HNF4A: variants seen among roughly 807,000 people sequenced by gnomAD.
HNF4A encodes hepatocyte nuclear factor 4-alpha.
Under a neutral mutation model 52.4 loss-of-function variants are expected in HNF4A, and 15 were observed. The ratio of observed to expected loss-of-function variants is 0.29; its 90% CI spans 0.19 to 0.44. The LOEUF is 0.44. Among genes scored for constraint, HNF4A ranks in the 20% least tolerant of loss-of-function variants. The pLI is 1.00. For missense variants in HNF4A, 479 were observed against 647.2 expected (o/e 0.74, Z 2.82); for synonymous variants, 280 against 264.4 (o/e 1.06, Z -0.57).
At chr20:44,367,674 A>G (rs922483696) in intron 1 of HNF4A, among the ~76,000 whole-genome samples, 2 of 151,580 alleles carry the variant, frequency 1.3e-5, no homozygotes, top group African/African-American at 4.9e-5. Context: ...TTGGCCAGAC[A>G]TGGTGGCGCA....
chr20:44,390,626 G>C (rs1417525469), intron 1 of HNF4A: 1 of 702,546 alleles, frequency 1.4e-6, no homozygotes, highest in Non-Finnish European at 2.6e-6. Context: ...GGACCCCATA[G>C]CAGCAGGAGG....
intron 1 of HNF4A, chr20:44,402,564 C>T (rs768327289): frequency 1.6e-5 from 22 of 1,365,150 alleles, no homozygotes; most frequent in East Asian, 9.1e-5. Context: ...ATTTTGTTGC[C>T]GCTGCGTCTC....
intron 6 of HNF4A, 96 bp downstream of exon 6, chr20:44,418,608 G>T (rs1471936197): frequency 1.0e-6 from 1 of 954,002 alleles, no homozygotes; most frequent in Non-Finnish European, 1.7e-6. Context: ...GCATGCAAGG[G>T]TGAGGGAGAC....
intron 9 of HNF4A, among the ~76,000 whole-genome samples, chr20:44,428,717 A>G (rs1215625456): frequency 6.6e-6 from 1 of 152,220 alleles, no homozygotes; most frequent in African/African-American, 2.4e-5. Flanking sequence ...CCACTGGATG[A>G]GGTAACCCAT....
At chr20:44,424,641 A>G in intron 8 of HNF4A, 1 of 1,373,302 alleles carries the variant, frequency 7.3e-7, no homozygotes, top group African/African-American at 1.5e-5. Context: ...GTAATATGAT[A>G]GAGTTTAACT....
In HNF4A at chr20:44,429,873, T is replaced by C. The variant is rs2063858027; in HGVS notation, c.*208T>C. ...CTGCTCTGGATAACAAGACTTTGACTTGGGGAGACCTCTACTGCCTTGGAC... is the reference window on the plus strand; with the variant it reads ...CTGCTCTGGATAACAAGACTTTGACCTGGGGAGACCTCTACTGCCTTGGAC... On this transcript the variant is annotated 3_prime_UTR_variant, in exon 10 of 10. Transcript: ENST00000316099. The C allele has an allele frequency of 6.7e-6, 4 of 599,456 alleles. No homozygotes were observed. The highest frequency in any genetic ancestry group is 2.8e-5 in the East Asian group (1 of 35,914). 37.1% of individuals were successfully genotyped at this position (599,456 alleles called of 1,614,324 possible).
In HNF4A at chr20:44,429,912, T is replaced by G. The variant is rs2063858579; in HGVS notation, c.*247T>G. The stretch of plus-strand genomic sequence containing the variant: ...ACTGCCTTGGACAACTTTTCTCATG[T>G]TGAAGCCACTGCCTTCACCTTCACC... On this transcript the variant is annotated 3_prime_UTR_variant, in exon 10 of 10. Coordinates refer to ENST00000316099, the MANE Select transcript of HNF4A (RefSeq NM_000457.6). 7.4e-6 allele frequency: 4 copies of G among 539,972 alleles called. No homozygotes were observed. Among genetic ancestry groups the G allele is most frequent in the South Asian group, 4.8e-5 (2 of 41,930 alleles). The allele number at this position is 539,972 out of a possible 1,614,324, so 33.4% of individuals were successfully genotyped here. A position where few individuals can be genotyped will look rare whatever the true frequency, so the allele number is the denominator to read the frequency against.
At chr20:44,406,304 C>A in intron 2 of HNF4A, 72 bp downstream of exon 2, 3 of 1,402,310 alleles carry the variant, frequency 2.1e-6, no homozygotes, top group South Asian at 2.4e-5. Context: ...CTGTCTTCTC[C>A]CTGAGTGGGT....
chr20:44,382,852 T>G (rs1231873313), intron 1 of HNF4A, among the ~76,000 whole-genome samples: 1 of 152,138 alleles, frequency 6.6e-6, no homozygotes, highest in East Asian at 1.9e-4. Context: ...CAGAGGATTT[T>G]TTACTTATCT....
At chr20:44,383,242 G>A (rs776698178) in intron 1 of HNF4A, among the ~76,000 whole-genome samples, 24 of 152,260 alleles carry the variant, frequency 1.6e-4, no homozygotes, top group South Asian at 8.3e-4. Context: ...TGCCTCCATA[G>A]CACTCACTAA....
chr20:44,425,915 C>T lies in HNF4A; in HGVS notation c.1129+1661C>T, dbSNP rs139582222. Among the ~76,000 whole-genome samples the T allele has an allele frequency of 3.7e-3, 564 of 152,240 alleles. 5 individuals carry two copies. The highest frequency in any genetic ancestry group is 0.013 in the African/African-American group (546 of 41,546). ...CCTTAAGCAATCCTTCCGACTTGGC[C>T]TCTCAAAGTGCTGGGATTACAGGTG... On this transcript the variant is annotated intron_variant, in intron 8 of 9. Coordinates refer to ENST00000316099, the MANE Select transcript of HNF4A (RefSeq NM_000457.6).
At chr20:44,379,003 C>T (rs1323107898) in intron 1 of HNF4A, among the ~76,000 whole-genome samples, 3 of 151,836 alleles carry the variant, frequency 2.0e-5, no homozygotes, top group Non-Finnish European at 2.9e-5. Context: ...TACTTTCTGT[C>T]TCTGTGAATT....
chr20:44,406,149 C>G lies in HNF4A; in HGVS notation c.207C>G (p.Gly69=), dbSNP rs1710761188. 3 of 1,613,852 alleles carry G rather than the reference C, an allele frequency of 1.9e-6. No individual in the cohort carries two copies. The highest frequency in any genetic ancestry group is 2.5e-6 in the Non-Finnish European group (3 of 1,180,044). ...CCATCTGCGGGGACCGGGCCACGGG[C>G]AAACACTACGGTGCCTCGAGCTGTG... The change falls in exon 2 of 10, where the codon GGC becomes GGG. Residue 69 remains glycine, a synonymous_variant. Transcript: ENST00000316099.
chr20:44,368,135 T>TATATAA, intron 1 of HNF4A, among the ~76,000 whole-genome samples: 1 of 42,354 alleles, frequency 2.4e-5, no homozygotes, highest in South Asian at 8.3e-4. Flanking sequence ...TGTGTGTGTG[T>TATATAA]ATATACATAT....
chr20:44,365,916 A>G (rs943148953), intron 1 of HNF4A, among the ~76,000 whole-genome samples: 1 of 152,092 alleles, frequency 6.6e-6, no homozygotes, highest in East Asian at 1.9e-4. Context: ...CTGAGGCAAG[A>G]GGATTGCTTG....
chr20:44,392,321 T>A (rs1158460542), intron 1 of HNF4A, among the ~76,000 whole-genome samples: 1 of 152,138 alleles, frequency 6.6e-6, no homozygotes, highest in Non-Finnish European at 1.5e-5. Flanking sequence ...AGGTTTTGAC[T>A]AGTAAGTTGT....
At chr20:44,374,826 A>G (rs1645902969) in intron 1 of HNF4A, among the ~76,000 whole-genome samples, 1 of 152,202 alleles carries the variant, frequency 6.6e-6, no homozygotes, top group African/African-American at 2.4e-5. Flanking sequence ...TTTTTGGTAG[A>G]AGAATTCATT....
intron 1 of HNF4A, among the ~76,000 whole-genome samples, chr20:44,371,597 G>A (rs538713535): frequency 6.6e-6 from 1 of 152,242 alleles, no homozygotes; most frequent in East Asian, 1.9e-4. Flanking sequence ...GGTGGAGGTG[G>A]GCAGATCACT....
chr20:44,368,387 G>A lies in HNF4A; in HGVS notation c.49+12534G>A, dbSNP rs1255078275. On this transcript the variant is annotated intron_variant, in intron 1 of 9. Coordinates refer to the HNF4A transcript ENST00000316673. The stretch of plus-strand genomic sequence containing the variant: ...TTGCCATGTTGGCCAGGCTGGTGTC[G>A]AACTCATGACCTCAAGTGATCCACC... Among the ~76,000 whole-genome samples the A allele has an allele frequency of 4.0e-5, 6 of 151,008 alleles. No individual in the cohort carries two copies. The East Asian group carries it at 5.8e-4, about 15-fold the overall frequency.
Sources: gnomAD v4.1 joint callset for allele counts (sites outside exome capture counted in the v4.1 genomes callset) on GRCh38, gnomAD v4.1.1 for gene constraint, MANE v1.5 for transcripts, NCBI Gene and HGNC (gene_info 2026-07-23, HGNC 2026-07-21) for gene names.